Variants in SEMA7A observed in about 807,000 individuals in gnomAD.
The protein encoded by SEMA7A is semaphorin 7A (JohnMiltonHagen blood group).
A neutral mutation model predicts 67.5 loss-of-function variants in SEMA7A; 21 were observed. That is an observed-to-expected ratio of 0.31 (90% CI 0.22 to 0.45). The LOEUF is 0.45. Ranked by LOEUF, SEMA7A falls within the 20% of genes least tolerant of loss-of-function variation. The pLI is 1.00. For missense variants in SEMA7A, 774 were observed against 908.6 expected, an observed-to-expected ratio of 0.85 and a Z score of 1.90; for synonymous variants, 364 against 368.5, an observed-to-expected ratio of 0.99 and a Z score of 0.14.
chr15:74,424,556 C>T (rs2061026941), intron 1 of SEMA7A, among the ~76,000 whole-genome samples: 1 of 152,214 alleles, frequency 6.6e-6, no homozygotes, highest in Admixed American at 6.5e-5. Context: ...TTCCAAGCCA[C>T]CAAGGTCTGG....
rs190116829 is a variant in SEMA7A at position 74,414,831 on chromosome 15, C to T, written c.1095+7G>A. 1,147 of 1,614,094 alleles carry T rather than the reference C, an allele frequency of 7.1e-4. 8 individuals carry two copies. Among genetic ancestry groups the T allele is most frequent in the Middle Eastern group, 9.9e-4 (6 of 6,058 alleles). Reference sequence around the variant, plus strand: ...TGGGCCTGGGCCACGGCTGGTGTCACGCTCACCTTGCCAGGCCGCGGGTTG... The same window carrying T: ...TGGGCCTGGGCCACGGCTGGTGTCATGCTCACCTTGCCAGGCCGCGGGTTG... On this transcript the variant is annotated splice_region_variant and intron_variant, in intron 9 of 13. Coordinates refer to ENST00000261918, the MANE Select transcript of SEMA7A (RefSeq NM_003612.5). The surrounding 1 kb of genome is among the most constrained non-coding windows in gnomAD (Gnocchi z 4.1).
chr15:74,417,441 G>T lies in SEMA7A; in HGVS notation c.555C>A (p.Asp185Glu), dbSNP rs200802256. The T allele has an allele frequency of 6.2e-7, 1 of 1,613,132 alleles. No individual in the cohort carries two copies. The highest frequency in any genetic ancestry group is 2.2e-5 in the East Asian group (1 of 44,874). The change falls in exon 6 of 14, where the codon GAC becomes GAA. Residue 185 changes from aspartate to glutamate, a missense_variant. Asp to Glu is a conservative substitution (Grantham distance 45). Around this residue, in one of 2 missense-constraint regions of SEMA7A, gnomAD observed 347 missense variants for 353.2 expected, o/e 0.98. Coordinates refer to ENST00000261918, the MANE Select transcript of SEMA7A (RefSeq NM_003612.5). Reference sequence around the variant, plus strand: ...GCTTCCGGATGGTGGAATACACCTCGTCCCCTGGGGTCAGTGGGAGGGAGA... The same window carrying T: ...GCTTCCGGATGGTGGAATACACCTCTTCCCCTGGGGTCAGTGGGAGGGAGA... ...DENSLVLFEG[D>E]EVYSTIRKQE...
rs1308504048 is a variant in SEMA7A at position 74,416,644 on chromosome 15, G to A, written c.732C>T (p.Phe244=). ...QAYDDKIYYF[F]REDNPDKNPE... is the part of the protein sequence containing the mutation. Reference sequence around the variant, plus strand: ...GATTCTTGTCAGGATTGTCCTCTCGGAAGAAGTAGTAGATCTTGTCATCGT... The same window carrying A: ...GATTCTTGTCAGGATTGTCCTCTCGAAAGAAGTAGTAGATCTTGTCATCGT... The change falls in exon 7 of 14, where the codon TTC becomes TTT. Residue 244 remains phenylalanine, a synonymous_variant. Transcript: ENST00000261918. 1.2e-6 allele frequency: 2 copies of A among 1,613,982 alleles called. No homozygotes were observed. Among genetic ancestry groups the A allele is most frequent in the East Asian group, 2.2e-5 (1 of 44,890 alleles).
chr15:74,417,596 A>C lies in SEMA7A; in HGVS notation c.545T>G (p.Phe182Cys). The C allele has an allele frequency of 6.2e-7, 1 of 1,612,596 alleles. No individual in the cohort carries two copies. Among genetic ancestry groups the C allele is most frequent in the Non-Finnish European group, 8.5e-7 (1 of 1,179,734 alleles). The change falls in exon 5 of 14, where the codon TTT becomes TGT. Residue 182 changes from phenylalanine to cysteine, a missense_variant. Transcript: ENST00000261918. ...CTGCTCCAGCACTGCCCTACCTTCA[A>C]ACAGAACCAGGGAGTTCTCGTCCGG... ...FSPDENSLVLFEGDEVYSTIR... is the reference protein window; with the variant it reads ...FSPDENSLVLCEGDEVYSTIR...
At chr15:74,426,875 C>T (rs1217400601) in intron 1 of SEMA7A, among the ~76,000 whole-genome samples, 1 of 152,186 alleles carries the variant, frequency 6.6e-6, no homozygotes, top group Non-Finnish European at 1.5e-5. Flanking sequence ...AAAACACTCA[C>T]CTCCACTCCT....
intron 1 of SEMA7A, among the ~76,000 whole-genome samples, chr15:74,427,614 A>G (rs28362877): frequency 0.035 from 5,256 of 152,236 alleles, 318 homozygotes; most frequent in African/African-American, 0.12. Flanking sequence ...TACAGGCGTG[A>G]GACTCTGTAC....
intron 1 of SEMA7A, 127 bp downstream of exon 1, chr15:74,433,614 G>A: frequency 7.9e-7 from 1 of 1,273,068 alleles, no homozygotes; most frequent in South Asian, 2.6e-5. Flanking sequence ...TCCACGCGGG[G>A]ACAGCGCGGG....
Position 74,409,952 on chromosome 15 carries a change from C to T in SEMA7A, c.*672G>A, listed in dbSNP as rs1032433262. The T allele has an allele frequency of 6.8e-6, 1 of 147,248 alleles. No homozygotes were observed. The highest frequency in any genetic ancestry group is 1.5e-5 in the Non-Finnish European group (1 of 66,772). 9.1% of individuals were successfully genotyped at this position (147,248 alleles called of 1,614,324 possible). On this transcript the variant is annotated 3_prime_UTR_variant, in exon 14 of 14. Transcript: ENST00000261918. ...CCCCTCCCTTTCCCACCCACCCCCC[C>T]GCATGTAGTTTTGGTATTTTCATAC... is the stretch of plus-strand genomic sequence containing the variant.
At chr15:74,433,552 G>T in intron 1 of SEMA7A, 189 bp downstream of exon 1, 1 of 1,215,204 alleles carries the variant, frequency 8.2e-7, no homozygotes, top group Non-Finnish European at 1.0e-6. Flanking sequence ...GTTACAGCCG[G>T]CTCTGGTGTG....
rs2577116 is a variant in SEMA7A, at chr15:74,416,570, C to T, written c.801+5G>A. Reference sequence around the variant, plus strand: ...GTAGCCAGCAGCCCTCACGCCCCTGCTCACCCTGCACAACTGGGCCACACG... The same window carrying T: ...GTAGCCAGCAGCCCTCACGCCCCTGTTCACCCTGCACAACTGGGCCACACG... On this transcript the variant is annotated splice_donor_5th_base_variant and intron_variant, in intron 7 of 13. Coordinates refer to ENST00000261918, the MANE Select transcript of SEMA7A (RefSeq NM_003612.5). 1.2e-6 allele frequency: 2 copies of T among 1,613,684 alleles called. No homozygotes were observed. The highest frequency in any genetic ancestry group is 1.7e-6 in the Non-Finnish European group (2 of 1,179,692).
In SEMA7A at chr15:74,409,588, G is replaced by T. The variant is rs1279043934; in HGVS notation, c.*1036C>A. ...ATGGAAGCACAGCCCCTGGGGAAGGGGGCTGAGAGGAAGGGAGGAGGCCCC... is the reference window on the plus strand; with the variant it reads ...ATGGAAGCACAGCCCCTGGGGAAGGTGGCTGAGAGGAAGGGAGGAGGCCCC... On this transcript the variant is annotated 3_prime_UTR_variant, in exon 14 of 14. Coordinates refer to ENST00000261918, the MANE Select transcript of SEMA7A (RefSeq NM_003612.5). 6.6e-6 allele frequency: 1 copy of T among 152,344 alleles called. No individual in the cohort carries two copies. The highest frequency in any genetic ancestry group is 2.4e-5 in the African/African-American group (1 of 41,444). 9.4% of individuals were successfully genotyped at this position (152,344 alleles called of 1,614,324 possible).
chr15:74,417,895 G>A lies in SEMA7A; in HGVS notation c.447C>T (p.His149=), dbSNP rs1319238575. ...TTCTCACCAGGTTCCAGCAGCTGGG[G>A]TGCCGGGCGTTGGTGCCACAGGCCA... ...GLLACGTNAR[H]PSCWNLVNGT... Residue 149 remains histidine (H), a synonymous_variant, in exon 4 of 14, where the codon CAC becomes CAT. Coordinates refer to ENST00000261918, the MANE Select transcript of SEMA7A (RefSeq NM_003612.5). The A allele has an allele frequency of 3.7e-6, 6 of 1,613,296 alleles. No individual in the cohort carries two copies. In the South Asian group the frequency reaches 4.4e-5, roughly 12 times the overall value.
At chr15:74,433,219 G>C (rs958515041) in intron 1 of SEMA7A, among the ~76,000 whole-genome samples, 5 of 151,072 alleles carry the variant, frequency 3.3e-5, no homozygotes, top group African/African-American at 1.2e-4. Context: ...GGGCCGGGGC[G>C]GGGGCGGGGG....
At chr15:74,427,153 C>T (rs1459603016) in intron 1 of SEMA7A, 2 of 950,012 alleles carry the variant, frequency 2.1e-6, no homozygotes, top group South Asian at 4.9e-5. Flanking sequence ...CCCGTACCTT[C>T]GACCTTGTAC....
Position 74,411,217 on chromosome 15 carries a change from C to T in SEMA7A, c.1639+78G>A. ...GGGCCCACAGGACAAGGCCATGTCTCCCTCAGACCAGGACAATCAGGGCAG... is the reference window on the plus strand; with the variant it reads ...GGGCCCACAGGACAAGGCCATGTCTTCCTCAGACCAGGACAATCAGGGCAG... On this transcript the variant is annotated intron_variant, in intron 13 of 13. Coordinates refer to ENST00000261918, the MANE Select transcript of SEMA7A (RefSeq NM_003612.5). The surrounding 1 kb of genome is among the most constrained non-coding windows in gnomAD (Gnocchi z 4.4). The T allele has an allele frequency of 6.7e-7, 1 of 1,495,010 alleles. No individual in the cohort carries two copies. The highest frequency in any genetic ancestry group is 1.2e-5 in the South Asian group (1 of 80,954). The allele number at this position is 1,495,010 out of a possible 1,614,324, so 92.6% of individuals were successfully genotyped here. A position where few individuals can be genotyped will look rare whatever the true frequency, so the allele number is the denominator to read the frequency against.
In SEMA7A at chr15:74,414,879, T is replaced by G. The variant is rs752837929; in HGVS notation, c.1054A>C (p.Lys352Gln). 6.2e-7 allele frequency: 1 copy of G among 1,614,164 alleles called. No individual in the cohort carries two copies. Residue 352 changes from lysine to glutamine, a missense_variant, in exon 9 of 14, where the codon AAG becomes CAG. Physicochemically the swap from Lys to Gln is moderately conservative, Grantham distance 53 (BLOSUM62 1). Transcript: ENST00000261918. This position sits in a 1 kb window ranked among gnomAD's most constrained non-coding sequence, Gnocchi z 4.1. ...IDKVFRTSSLKGYHSSLPNPR... is the reference protein window; with the variant it reads ...IDKVFRTSSLQGYHSSLPNPR... ...TTGGGAAGGCTTGAGTGGTAGCCCT[T>G]GAGTGAGGAGGTACGGAAGACCTTG...
rs2060960189 is a variant in SEMA7A at position 74,417,381 on chromosome 15, G to T, written c.615C>A (p.Arg205=). ...EYNGKIPRFR[R]IRGESELYTS... ...TGTACAGCTCACTCTCGCCCCGGAT[G>T]CGGCGGAACCGAGGGATCTTCCCAT... The change falls in exon 6 of 14, where the codon CGC becomes CGA. Residue 205 remains arginine (R), a synonymous_variant. Coordinates refer to ENST00000261918, the MANE Select transcript of SEMA7A (RefSeq NM_003612.5). The T allele has an allele frequency of 1.9e-6, 3 of 1,614,094 alleles. No homozygotes were observed. Among genetic ancestry groups the T allele is most frequent in the Non-Finnish European group, 2.5e-6 (3 of 1,180,028 alleles).
intron 1 of SEMA7A, among the ~76,000 whole-genome samples, chr15:74,425,807 T>A (rs899912190): frequency 3.9e-5 from 6 of 152,162 alleles, no homozygotes; most frequent in Admixed American, 2.6e-4. Context: ...TAGACAGTCG[T>A]CTCCTGGTGA....
rs909996506 is a variant in SEMA7A, at chr15:74,433,263, C to CGCG, written c.178+475_178+477dup. 1.8e-4 allele frequency among the ~76,000 whole-genome samples: 27 copies of CGCG among 151,490 alleles called. 1 individual carries two copies. Among genetic ancestry groups the CGCG allele is most frequent in the East Asian group, 3.9e-4 (2 of 5,084 alleles). On this transcript the variant is annotated intron_variant, in intron 1 of 13. Coordinates refer to ENST00000261918, the MANE Select transcript of SEMA7A (RefSeq NM_003612.5). ...GGGGTCTTTGTTCCCGCTGCCGAAG[C>CGCG]GCGGCGGCGGCGGCAAGGGGTCCGC...
Sources: allele counts gnomAD v4.1 joint callset (sites outside exome capture counted in the v4.1 genomes callset), GRCh38; gene constraint gnomAD v4.1.1; regional missense constraint gnomAD v4.1.1; non-coding constraint Gnocchi (gnomAD v3.1); transcripts MANE v1.5; gene names NCBI Gene and HGNC (gene_info 2026-07-23, HGNC 2026-07-21).